MTUS2: variants seen among roughly 807,000 people sequenced by gnomAD.
MTUS2 encodes microtubule associated scaffold protein 2, also known as microtubule-associated tumor suppressor candidate 2.
MTUS2 carries 40 observed loss-of-function variants against 114.1 expected under a neutral mutation model. That is an observed-to-expected ratio of 0.35 (90% CI 0.27 to 0.46). MTUS2 has a LOEUF of 0.46. Among genes scored for constraint, MTUS2 ranks in the 20% least tolerant of loss-of-function variants. The probability of loss-of-function intolerance (pLI) is 1.00; values close to 1 mark genes in which losing one functional copy is unlikely to be tolerated. For synonymous variants in MTUS2, 688 were observed against 672.0 expected (o/e 1.02, Z -0.37); for missense variants, 1,679 against 1,705.4 (o/e 0.98, Z 0.27).
chr13:28,926,044 T>C (rs1881310299), intron 2 of MTUS2, among the ~76,000 whole-genome samples: 1 of 152,246 alleles, frequency 6.6e-6, no homozygotes, highest in African/African-American at 2.4e-5. Context: ...AACAGTGCTT[T>C]GCTTCAGCCT....
chr13:29,102,135 T>C (rs763528007), intron 5 of MTUS2, among the ~76,000 whole-genome samples: 21 of 152,226 alleles, frequency 1.4e-4, no homozygotes, highest in Non-Finnish European at 3.1e-4. Context: ...TCTCAAAATC[T>C]GAAACATGAA....
Position 28,820,369 on chromosome 13 carries a change from G to T in MTUS2, c.-558G>T, listed in dbSNP as rs1261601775. 1 of 151,330 alleles carries T rather than the reference G, an allele frequency of 6.6e-6. No individual in the cohort carries two copies. Among genetic ancestry groups the T allele is most frequent in the African/African-American group, 2.4e-5 (1 of 41,310 alleles). 9.4% of individuals were successfully genotyped at this position (151,330 alleles called of 1,614,324 possible). A position where few individuals can be genotyped will look rare whatever the true frequency, so the allele number is the denominator to read the frequency against. ...TGATAGCGAGCGCCGGCGGCTCCAG[G>T]TGCGGGGGCGCCCCTCGCGCTCCAC... On this transcript the variant is annotated 5_prime_UTR_variant, in exon 1 of 16. Transcript: ENST00000612955.
intron 7 of MTUS2, among the ~76,000 whole-genome samples, chr13:29,348,310 CA>C (rs1371354399): frequency 2.0e-5 from 3 of 151,852 alleles, no homozygotes; most frequent in Admixed American, 2.0e-4. Flanking sequence ...GGATCAAAAC[CA>C]AATGTTAGAA....
chr13:29,247,679 G>T (rs970914530), intron 5 of MTUS2, among the ~76,000 whole-genome samples: 1 of 152,164 alleles, frequency 6.6e-6, no homozygotes, highest in Non-Finnish European at 1.5e-5. Flanking sequence ...TCAGGGAAAT[G>T]CAAATCAAAA....
intron 5 of MTUS2, among the ~76,000 whole-genome samples, chr13:29,187,903 G>A (rs1894289599): frequency 6.6e-6 from 1 of 152,108 alleles, no homozygotes; most frequent in Non-Finnish European, 1.5e-5. Context: ...TCTCCCATCT[G>A]TTCCCAAAGT....
At chr13:29,115,717 G>A (rs1031709924) in intron 5 of MTUS2, among the ~76,000 whole-genome samples, 1 of 152,160 alleles carries the variant, frequency 6.6e-6, no homozygotes, top group Non-Finnish European at 1.5e-5. Flanking sequence ...AGGAAGGAGA[G>A]GTGGACTGGT....
At chr13:29,174,000 A>G (rs1452639177) in intron 5 of MTUS2, among the ~76,000 whole-genome samples, 6 of 152,072 alleles carry the variant, frequency 3.9e-5, no homozygotes, top group Non-Finnish European at 8.8e-5. Flanking sequence ...GGACTCCTAC[A>G]CCCTGTAGAA....
Position 29,024,582 on chromosome 13 carries a change from A to G in MTUS2, c.-117A>G. The G allele has an allele frequency of 7.9e-7, 1 of 1,269,212 alleles. No individual in the cohort carries two copies. Among genetic ancestry groups the G allele is most frequent in the Non-Finnish European group, 1.1e-6 (1 of 907,864 alleles). 78.6% of individuals were successfully genotyped at this position (1,269,212 alleles called of 1,614,324 possible). A position where few individuals can be genotyped will look rare whatever the true frequency, so the allele number is the denominator to read the frequency against. ...GATTAAAGCAGTGTCGCAAGGTGAC[A>G]TTGTCAGGGGAGAACAAGCAGCTTG... On this transcript the variant is annotated 5_prime_UTR_variant, in exon 3 of 16. Transcript: ENST00000612955.
chr13:28,985,317 A>G (rs1884530465), intron 2 of MTUS2, among the ~76,000 whole-genome samples: 1 of 152,214 alleles, frequency 6.6e-6, no homozygotes, highest in Admixed American at 6.5e-5. Flanking sequence ...AACACAAGGT[A>G]GTTGCAAAAA....
At chr13:29,056,078 A>G (rs1888122059) in intron 4 of MTUS2, among the ~76,000 whole-genome samples, 1 of 151,838 alleles carries the variant, frequency 6.6e-6, no homozygotes, top group Admixed American at 6.6e-5. Flanking sequence ...CCCATTTATC[A>G]ATTTTTGTTT....
At chr13:29,164,485 A>G (rs1298892034) in intron 5 of MTUS2, among the ~76,000 whole-genome samples, 1 of 152,198 alleles carries the variant, frequency 6.6e-6, no homozygotes, top group Non-Finnish European at 1.5e-5. Flanking sequence ...GTGGCACTCA[A>G]AGTTGACTTC....
chr13:29,073,054 G>A (rs1341929282), intron 4 of MTUS2, among the ~76,000 whole-genome samples: 1 of 151,828 alleles, frequency 6.6e-6, no homozygotes. Flanking sequence ...ACTCTCTCTG[G>A]TGGTCGTTTT....
chr13:29,051,545 C>T (rs1887897932), intron 4 of MTUS2, among the ~76,000 whole-genome samples: 1 of 152,046 alleles, frequency 6.6e-6, no homozygotes, highest in South Asian at 2.1e-4. Context: ...AAGATGGGCC[C>T]CTACAACATT....
intron 5 of MTUS2, among the ~76,000 whole-genome samples, chr13:29,146,901 A>C (rs561952269): frequency 1.1e-4 from 17 of 152,264 alleles, no homozygotes; most frequent in African/African-American, 4.1e-4. Flanking sequence ...TGTGCAGTAC[A>C]TGTTTGTTGC....
intron 4 of MTUS2, among the ~76,000 whole-genome samples, chr13:29,038,945 C>T (rs1052726948): frequency 6.6e-6 from 1 of 152,230 alleles, no homozygotes; most frequent in Non-Finnish European, 1.5e-5. Flanking sequence ...TCCAAAGCCA[C>T]CACTTCATGT....
chr13:29,351,957 C>T (rs1264237293), intron 7 of MTUS2, among the ~76,000 whole-genome samples: 1 of 152,056 alleles, frequency 6.6e-6, no homozygotes, highest in Non-Finnish European at 1.5e-5. Flanking sequence ...TTCCTTAGCA[C>T]TTTCATTTTA....
rs1896198953 is a variant in MTUS2, at chr13:29,228,486, A to T, written c.2645-53218A>T. Reference sequence around the variant, plus strand: ...CAGGAGTGTGCCACCACACCTGGCTATTTTTTTTGTTTAATTTTTGTTAGA... The same window carrying T: ...CAGGAGTGTGCCACCACACCTGGCTTTTTTTTTTGTTTAATTTTTGTTAGA... On this transcript the variant is annotated intron_variant, in intron 5 of 15. Transcript: ENST00000612955. Among the ~76,000 whole-genome samples, 2 of 151,834 alleles carry T rather than the reference A, an allele frequency of 1.3e-5. 1 individual carries two copies. Among genetic ancestry groups the T allele is most frequent in the Middle Eastern group, 6.8e-3 (2 of 294 alleles).
At chr13:29,427,298 TG>T (rs1383556907) in intron 8 of MTUS2, among the ~76,000 whole-genome samples, 1 of 151,128 alleles carries the variant, frequency 6.6e-6, no homozygotes, top group Admixed American at 6.5e-5. Flanking sequence ...ATGTTTGCTT[TG>T]TTTTTTTATA....
At chr13:29,274,012 T>C (rs9506128) in intron 5 of MTUS2, among the ~76,000 whole-genome samples, 63,277 of 152,042 alleles carry the variant, frequency 0.42, 13,290 homozygotes, top group Admixed American at 0.51. Flanking sequence ...TGTGAACATA[T>C]GTTTTCAGTT....
Sources: allele counts gnomAD v4.1 joint callset (sites outside exome capture counted in the v4.1 genomes callset), GRCh38; gene constraint gnomAD v4.1.1; transcripts MANE v1.5; gene names NCBI Gene and HGNC (gene_info 2026-07-23, HGNC 2026-07-21).